Variants in TDRP observed in about 807,000 individuals in gnomAD.
The protein encoded by TDRP is testis development related protein, also known as testis development-related protein.
TDRP carries 12 observed loss-of-function variants against 10.5 expected under a neutral mutation model. The ratio of observed to expected loss-of-function variants is 1.15; its 90% CI spans 0.73 to 1.86. TDRP has a LOEUF of 1.86. Among genes scored for constraint, TDRP ranks in the 40% most tolerant of loss-of-function variants. The pLI is 0.00. For missense variants in TDRP, 353 were observed against 229.2 expected, an observed-to-expected ratio of 1.54 and a Z score of -3.49; for synonymous variants, 139 against 95.4, an observed-to-expected ratio of 1.46 and a Z score of -2.67.
At chr8:513,482 T>C (rs1801672273) in intron 1 of TDRP, among the ~76,000 whole-genome samples, 1 of 152,090 alleles carries the variant, frequency 6.6e-6, no homozygotes, top group African/African-American at 2.4e-5. Context: ...TTCAACAAAG[T>C]AGAAAAAGAA....
At chr8:523,197 A>G (rs1406393772) in intron 1 of TDRP, among the ~76,000 whole-genome samples, 1 of 152,110 alleles carries the variant, frequency 6.6e-6, no homozygotes, top group African/African-American at 2.4e-5. Flanking sequence ...TGGTTATCAC[A>G]GGGATTACAT....
Position 492,747 on chromosome 8 carries a change from A to G in TDRP, c.213-3T>C, listed in dbSNP as rs1353933418. ...CTTCTTTTAATCGTAAGTTAGTTCT[A>G]TAGGAGATGAAAGAGTTAGGTGTTG... is the stretch of plus-strand genomic sequence containing the variant. On this transcript the variant is annotated splice_region_variant and splice_polypyrimidine_tract_variant and intron_variant, in intron 2 of 2. Coordinates refer to ENST00000324079, the MANE Select transcript of TDRP (RefSeq NM_001384899.1). 6.3e-7 allele frequency: 1 copy of G among 1,593,720 alleles called. No homozygotes were observed.
At chr8:504,887 A>C (rs894222182) in intron 1 of TDRP, among the ~76,000 whole-genome samples, 3 of 152,104 alleles carry the variant, frequency 2.0e-5, no homozygotes, top group African/African-American at 7.2e-5. Flanking sequence ...ATTATTAATC[A>C]TTTCTCATTC....
In TDRP at chr8:544,670, CGG is replaced by C. The variant is rs1802588172; in HGVS notation, c.86_87del (p.Ala29GlyfsTer24). ...DGLRGGPPPA[A>X]AAAAQAQVQG... ...CTCACCTGCGCCTGGGCGGCGGCGGCGGCGGCCGGTGGCGGCCCCCCACGCAG... is the reference window on the plus strand; with the variant it reads ...CTCACCTGCGCCTGGGCGGCGGCGGCCGGCCGGTGGCGGCCCCCCACGCAG... On this transcript the variant is annotated frameshift_variant, in exon 1 of 3. Transcript: ENST00000324079. LOFTEE classifies it high-confidence loss of function. 5 of 1,244,226 alleles carry C rather than the reference CGG, an allele frequency of 4.0e-6. No homozygotes were observed. Among genetic ancestry groups the C allele is most frequent in the African/African-American group, 1.6e-5 (1 of 64,342 alleles). The allele number at this position is 1,244,226 out of a possible 1,614,324, so 77.1% of individuals were successfully genotyped here.
intron 1 of TDRP, among the ~76,000 whole-genome samples, chr8:510,949 C>T (rs184694405): frequency 1.9e-4 from 29 of 152,190 alleles, no homozygotes; most frequent in Non-Finnish European, 2.9e-5. Flanking sequence ...AATAACACCA[C>T]AAAAGATGAG....
chr8:531,202 G>A (rs1465933937), intron 1 of TDRP, among the ~76,000 whole-genome samples: 1 of 152,116 alleles, frequency 6.6e-6, no homozygotes, highest in East Asian at 1.9e-4. Context: ...CAATGCAGCT[G>A]TTCTTGGCTT....
intron 1 of TDRP, among the ~76,000 whole-genome samples, chr8:503,755 G>A (rs556643431): frequency 1.5e-4 from 21 of 140,628 alleles, no homozygotes; most frequent in South Asian, 1.2e-3. Context: ...ACCTCAGCAC[G>A]CATCAACACG....
At chr8:505,221 C>G (rs1193123829) in intron 1 of TDRP, among the ~76,000 whole-genome samples, 2 of 152,146 alleles carry the variant, frequency 1.3e-5, no homozygotes, top group Admixed American at 1.3e-4. Flanking sequence ...TACAAATATT[C>G]TTTTGTTCAG....
At chr8:540,080 T>C (rs74449011) in intron 1 of TDRP, among the ~76,000 whole-genome samples, 61 of 152,340 alleles carry the variant, frequency 4.0e-4, no homozygotes, top group African/African-American at 1.4e-3. Context: ...TTCTACACTG[T>C]CCATGTCAGA....
rs544746919 is a variant in TDRP at position 521,886 on chromosome 8, T to C, written c.108+22764A>G. ...ACATGGGCTGTCTATTTATGTCTTATTTAATAACTTTCAGCAATGTTTTAT... is the reference window on the plus strand; with the variant it reads ...ACATGGGCTGTCTATTTATGTCTTACTTAATAACTTTCAGCAATGTTTTAT... On this transcript the variant is annotated intron_variant, in intron 1 of 2. Coordinates refer to ENST00000324079, the MANE Select transcript of TDRP (RefSeq NM_001384899.1). Among the ~76,000 whole-genome samples the C allele has an allele frequency of 1.3e-3, 197 of 152,356 alleles. 1 individual carries two copies. The highest frequency in any genetic ancestry group is 0.012 in the South Asian group (58 of 4,830).
chr8:508,705 T>G (rs542755428), intron 1 of TDRP, among the ~76,000 whole-genome samples: 1 of 152,284 alleles, frequency 6.6e-6, no homozygotes, highest in South Asian at 2.1e-4. Flanking sequence ...ATTCCACCCC[T>G]GGCCCCTCCC....
chr8:523,664 T>G (rs1801962865), intron 1 of TDRP, among the ~76,000 whole-genome samples: 1 of 152,110 alleles, frequency 6.6e-6, no homozygotes, highest in Non-Finnish European at 1.5e-5. Context: ...CTGGCAATAC[T>G]CTCCGAGGGC....
At chr8:512,827 C>G (rs1300173245) in intron 1 of TDRP, among the ~76,000 whole-genome samples, 3 of 151,784 alleles carry the variant, frequency 2.0e-5, no homozygotes, top group Non-Finnish European at 4.4e-5. Flanking sequence ...CAAAAATTAG[C>G]TGGGCATGGT....
Position 494,516 on chromosome 8 carries a change from A to G in TDRP, c.190T>C (p.Cys64Arg). ...KDDEQHLLER[C>R]KSPKSKGTNL... ...TACCCTTTGGACTTGGGAGATTTAC[A>G]TCTTTCCAGGAGATGCTGCTCATCA... Residue 64 changes from cysteine to arginine, a missense_variant, in exon 2 of 3, where the codon TGT (cysteine) becomes CGT (arginine). By Grantham distance (180) the Cys-to-Arg change is radical. Transcript: ENST00000324079. 6.2e-7 allele frequency: 1 copy of G among 1,613,932 alleles called. No individual in the cohort carries two copies. The highest frequency in any genetic ancestry group is 2.2e-5 in the East Asian group (1 of 44,866).
chr8:520,032 G>C (rs571174947), intron 1 of TDRP, among the ~76,000 whole-genome samples: 2 of 152,196 alleles, frequency 1.3e-5, no homozygotes, highest in Admixed American at 1.3e-4. Context: ...GTCACAGCAC[G>C]TTCAGAAGCT....
rs1451234028 is a variant in TDRP, at chr8:492,445, C to T, written c.512G>A (p.Arg171Gln). Reference sequence around the variant, plus strand: ...ATCTGTCAGGTGGCCTTTACTCTGCCGTCGGATGCTCACCAGCCTCCCTGC... The same window carrying T: ...ATCTGTCAGGTGGCCTTTACTCTGCTGTCGGATGCTCACCAGCCTCCCTGC... ...RAAGRLVSIR[R>Q]QSKGHLTDSP... The change falls in exon 3 of 3, where the codon CGG becomes CAG. Residue 171 changes from arginine to glutamine, a missense_variant. Transcript: ENST00000324079. 7 of 1,591,950 alleles carry T rather than the reference C, an allele frequency of 4.4e-6. No homozygotes were observed. The highest frequency in any genetic ancestry group is 6.0e-6 in the Non-Finnish European group (7 of 1,165,148).
intron 1 of TDRP, among the ~76,000 whole-genome samples, chr8:537,116 A>C (rs1802366546): frequency 1.3e-5 from 2 of 152,206 alleles, no homozygotes; most frequent in African/African-American, 4.8e-5. Flanking sequence ...CAGGTGCCGT[A>C]ATGTGGAAAC....
Position 512,434 on chromosome 8 carries a change from C to T in TDRP, c.109-17837G>A, listed in dbSNP as rs370047405. Among the ~76,000 whole-genome samples, 23 of 150,702 alleles carry T rather than the reference C, an allele frequency of 1.5e-4. No homozygotes were observed. The East Asian group carries it at 4.5e-3, about 30-fold the overall frequency. On this transcript the variant is annotated intron_variant, in intron 1 of 2. Transcript: ENST00000324079. ...GCAACAGAGCAAGACTCCATCTCAACAACAATAAAAAAAAATCAGCAAAAT... is the reference window on the plus strand; with the variant it reads ...GCAACAGAGCAAGACTCCATCTCAATAACAATAAAAAAAAATCAGCAAAAT...
rs1020032933 is a variant in TDRP at position 491,275 on chromosome 8, T to A, written c.*1124A>T. 2.9e-5 allele frequency: 6 copies of A among 203,770 alleles called. No individual in the cohort carries two copies. The allele number at this position is 203,770 out of a possible 1,614,324, so 12.6% of individuals were successfully genotyped here. ...GTGTAACTGGAGGTTTTATTTTACT[T>A]TTAAACAAAAAAGAAAAATATACCT... is the stretch of plus-strand genomic sequence containing the variant. On this transcript the variant is annotated 3_prime_UTR_variant, in exon 3 of 3. Transcript: ENST00000324079.
Sources: gnomAD v4.1 joint callset for allele counts (sites outside exome capture counted in the v4.1 genomes callset) on GRCh38, gnomAD v4.1.1 for gene constraint, MANE v1.5 for transcripts, NCBI Gene and HGNC (gene_info 2026-07-23, HGNC 2026-07-21) for gene names.